Variants in BIRC6 observed in about 807,000 individuals in gnomAD.
The protein encoded by BIRC6 is dual E2 ubiquitin-conjugating enzyme/E3 ubiquitin-protein ligase BIRC6.
In BIRC6, 98 loss-of-function variants were observed where a neutral mutation model predicts 503.3. The observed-to-expected ratio is 0.19, with a 90% CI of 0.17 to 0.23. The LOEUF (loss-of-function observed/expected upper bound fraction) is 0.23, where lower values mean the gene tolerates loss of function less well. BIRC6 is among the 10% of genes least tolerant of loss of function. The probability of loss-of-function intolerance (pLI) is 1.00; values close to 1 mark genes in which losing one functional copy is unlikely to be tolerated. For synonymous variants in BIRC6, 2,240 were observed against 2,078.7 expected, an observed-to-expected ratio of 1.08 and a Z score of -2.11; for missense variants, 5,360 against 5,806.0, an observed-to-expected ratio of 0.92 and a Z score of 2.50.
At chr2:32,507,501 A>G (rs1340142090) in intron 50 of BIRC6, among the ~76,000 whole-genome samples, 1 of 152,220 alleles carries the variant, frequency 6.6e-6, no homozygotes, top group Non-Finnish European at 1.5e-5. Context: ...CTCAATGTTT[A>G]AAAAAATCAC....
At chr2:32,414,094 C>A (rs180738087) in intron 9 of BIRC6, among the ~76,000 whole-genome samples, 2 of 151,684 alleles carry the variant, frequency 1.3e-5, no homozygotes, top group Admixed American at 1.3e-4. Flanking sequence ...GAGTTTGAGA[C>A]CAGCCTGACC....
At chr2:32,483,623 G>A (rs925007887) in intron 39 of BIRC6, among the ~76,000 whole-genome samples, 3 of 152,140 alleles carry the variant, frequency 2.0e-5, no homozygotes, top group African/African-American at 4.8e-5. Context: ...TAATCGTCAC[G>A]TCTCTTTAGT....
intron 72 of BIRC6, among the ~76,000 whole-genome samples, chr2:32,611,215 C>G (rs1032467841): frequency 1.3e-5 from 2 of 151,880 alleles, no homozygotes; most frequent in African/African-American, 2.4e-5. Context: ...ACGCCATTCT[C>G]TTGCCTCAGC....
In BIRC6 at chr2:32,415,028, T is replaced by A. The variant is rs147702731; in HGVS notation, c.1737T>A (p.Ala579=). 1 of 1,613,820 alleles carries A rather than the reference T, an allele frequency of 6.2e-7. No individual in the cohort carries two copies. Among genetic ancestry groups the A allele is most frequent in the Non-Finnish European group, 8.5e-7 (1 of 1,179,888 alleles). The change falls in exon 10 of 74, where the codon GCT becomes GCA. Residue 579 remains alanine (A), a synonymous_variant. Transcript: ENST00000421745. Reference sequence around the variant, plus strand: ...GTTTATTAACATATAAATCTCCTGCTACCTCACCCATTAGTAGTAATTCTC... The same window carrying A: ...GTTTATTAACATATAAATCTCCTGCAACCTCACCCATTAGTAGTAATTCTC... The part of the protein sequence containing the change: ...AGGLLTYKSP[A]TSPISSNSHR...
chr2:32,612,776 C>T (rs1223557308), intron 73 of BIRC6, among the ~76,000 whole-genome samples: 1 of 152,152 alleles, frequency 6.6e-6, no homozygotes, highest in Non-Finnish European at 1.5e-5. Context: ...TACTCTTCTG[C>T]CCACTTCTGC....
Position 32,469,377 on chromosome 2 carries a change from T to C in BIRC6, c.6128-18T>C. ...TACATTTAAATAGGAAAGTTTACTG[T>C]TTTCTTTCTTGTAATAGGACACTCT... is the stretch of plus-strand genomic sequence containing the variant. On this transcript the variant is annotated intron_variant, in intron 29 of 73. Coordinates refer to ENST00000421745, the MANE Select transcript of BIRC6 (RefSeq NM_016252.4). 1 of 1,589,960 alleles carries C rather than the reference T, an allele frequency of 6.3e-7. No homozygotes were observed. Among genetic ancestry groups the C allele is most frequent in the Middle Eastern group, 1.7e-4 (1 of 5,888 alleles).
rs772774212 is a variant in BIRC6, at chr2:32,357,855, G to C, written c.325+369G>C. ...GTCGGTCCTGCGTCCGGTTAGATGA[G>C]AGCGAAAGGCTGGAAGGGTTGACCC... On this transcript the variant is annotated intron_variant, in intron 1 of 73. Transcript: ENST00000421745. This position sits in a 1 kb window ranked among gnomAD's most constrained non-coding sequence, Gnocchi z 4.9. Among the ~76,000 whole-genome samples, 3 of 152,106 alleles carry C rather than the reference G, an allele frequency of 2.0e-5. No homozygotes were observed. Among genetic ancestry groups the C allele is most frequent in the Admixed American group, 6.5e-5 (1 of 15,282 alleles).
intron 63 of BIRC6, among the ~76,000 whole-genome samples, chr2:32,546,949 C>G (rs2058093170): frequency 6.6e-6 from 1 of 151,972 alleles, no homozygotes; most frequent in Admixed American, 6.6e-5. Context: ...CCTGGTGGCT[C>G]ACACCTATAT....
At chr2:32,556,388 C>T (rs967419858) in intron 65 of BIRC6, among the ~76,000 whole-genome samples, 8 of 152,278 alleles carry the variant, frequency 5.3e-5, no homozygotes, top group African/African-American at 1.9e-4. Flanking sequence ...GACTACCCAG[C>T]GTAGTCCTTT....
At chr2:32,560,120 A>T (rs1303138567) in intron 65 of BIRC6, among the ~76,000 whole-genome samples, 1 of 152,228 alleles carries the variant, frequency 6.6e-6, no homozygotes, top group African/African-American at 2.4e-5. Flanking sequence ...AATTTGACTT[A>T]AAGAAAAGCA....
At chr2:32,391,180 A>G (rs2039184848) in intron 4 of BIRC6, among the ~76,000 whole-genome samples, 1 of 152,186 alleles carries the variant, frequency 6.6e-6, no homozygotes, top group African/African-American at 2.4e-5. Flanking sequence ...GGTAAATGTT[A>G]TATTTTAGGA....
At chr2:32,584,758 T>G (rs1427574477) in intron 66 of BIRC6, among the ~76,000 whole-genome samples, 1 of 152,208 alleles carries the variant, frequency 6.6e-6, no homozygotes, top group Non-Finnish European at 1.5e-5. Flanking sequence ...TTTAAGAGGC[T>G]TATTTCCTCT....
At chr2:32,599,221 C>T (rs529624300) in intron 69 of BIRC6, among the ~76,000 whole-genome samples, 24 of 149,874 alleles carry the variant, frequency 1.6e-4, no homozygotes, top group African/African-American at 4.2e-4. Context: ...CTCAGCTACT[C>T]GGGAGGCTGA....
chr2:32,596,404 C>T (rs1239882548), intron 68 of BIRC6, among the ~76,000 whole-genome samples: 3 of 149,450 alleles, frequency 2.0e-5, no homozygotes, highest in Non-Finnish European at 3.0e-5. Context: ...CATTTGAACC[C>T]GGGAGGTGGA....
chr2:32,560,279 T>C (rs1416480759), intron 65 of BIRC6, among the ~76,000 whole-genome samples: 7 of 152,248 alleles, frequency 4.6e-5, no homozygotes, highest in Admixed American at 1.3e-4. Context: ...TTAAAGATTT[T>C]TGTAAAATAA....
At chr2:32,394,240 C>G (rs1251188416) in intron 5 of BIRC6, among the ~76,000 whole-genome samples, 1 of 150,794 alleles carries the variant, frequency 6.6e-6, no homozygotes, top group African/African-American at 2.4e-5. Context: ...CTAGAATACT[C>G]TGATTCTAGG....
chr2:32,549,267 T>G (rs766636842), intron 64 of BIRC6, 46 bp from the exon 65 acceptor site: 2 of 1,337,662 alleles, frequency 1.5e-6, no homozygotes, highest in South Asian at 4.6e-5. Flanking sequence ...TAAAAACTTT[T>G]GAAGTATGTG....
At chr2:32,498,488 C>T (rs919568832) in intron 45 of BIRC6, among the ~76,000 whole-genome samples, 5 of 152,150 alleles carry the variant, frequency 3.3e-5, no homozygotes, top group African/African-American at 4.8e-5. Flanking sequence ...TCCTTTCTTC[C>T]GTCTTTTGTG....
intron 62 of BIRC6, among the ~76,000 whole-genome samples, chr2:32,544,970 C>T (rs1477486448): frequency 6.6e-6 from 1 of 151,482 alleles, no homozygotes; most frequent in Non-Finnish European, 1.5e-5. Context: ...TTGATAAAGA[C>T]ATAGAATGTG....
Sources: gnomAD v4.1 joint callset for allele counts (sites outside exome capture counted in the v4.1 genomes callset) on GRCh38, gnomAD v4.1.1 for gene constraint, Gnocchi (gnomAD v3.1) non-coding constraint, MANE v1.5 for transcripts, NCBI Gene and HGNC (gene_info 2026-07-23, HGNC 2026-07-21) for gene names.